XIRP2: variants seen among roughly 807,000 people sequenced by gnomAD.
The protein encoded by XIRP2 is xin actin binding repeat containing 2, also known as xin actin-binding repeat-containing protein 2.
A neutral mutation model predicts 277.0 loss-of-function variants in XIRP2; 236 were observed. That is an observed-to-expected ratio of 0.85 (90% CI 0.77 to 0.95). The LOEUF (loss-of-function observed/expected upper bound fraction) is 0.95. Ranked by LOEUF, XIRP2 falls within the 40% of genes least tolerant of loss-of-function variation. The pLI is 0.00. For synonymous variants in XIRP2, 1,490 were observed against 1,416.5 expected, an observed-to-expected ratio of 1.05 and a Z score of -1.17; for missense variants, 4,640 against 4,157.5, an observed-to-expected ratio of 1.12 and a Z score of -3.19.
intron 2 of XIRP2, among the ~76,000 whole-genome samples, chr2:166,911,544 G>C (rs1424614630): frequency 6.6e-6 from 1 of 152,100 alleles, no homozygotes; most frequent in Non-Finnish European, 1.5e-5. Flanking sequence ...GCAACCTGAT[G>C]GGTCTTGACT....
intron 2 of XIRP2, among the ~76,000 whole-genome samples, chr2:167,055,525 A>G (rs1689018062): frequency 6.6e-6 from 1 of 152,198 alleles, no homozygotes; most frequent in African/African-American, 2.4e-5. Flanking sequence ...GAGAATTTAC[A>G]TCTTACTTGC....
chr2:166,974,756 A>G (rs1176961475), intron 2 of XIRP2, among the ~76,000 whole-genome samples: 1 of 152,036 alleles, frequency 6.6e-6, no homozygotes, highest in Non-Finnish European at 1.5e-5. Flanking sequence ...AAATATAAAA[A>G]TATTGCAAGT....
intron 2 of XIRP2, 131 bp from the exon 3 acceptor site, chr2:167,135,777 GA>G (rs1691527533): frequency 3.7e-6 from 3 of 815,306 alleles, no homozygotes; most frequent in Non-Finnish European, 5.4e-6. Flanking sequence ...CATTTTACCT[GA>G]AGCATATTGA....
intron 3 of XIRP2, among the ~76,000 whole-genome samples, chr2:167,176,709 G>C (rs1263823624): frequency 6.6e-6 from 1 of 152,142 alleles, no homozygotes; most frequent in Admixed American, 6.5e-5. Context: ...AGTCAATTTA[G>C]TCTACAGATT....
At chr2:167,223,253 G>A (rs1289103021) in intron 5 of XIRP2, among the ~76,000 whole-genome samples, 1 of 152,056 alleles carries the variant, frequency 6.6e-6, no homozygotes, top group Non-Finnish European at 1.5e-5. Context: ...AGCAGATGGA[G>A]CTCCAAAAAT....
chr2:167,172,939 G>A (rs1287791724), intron 3 of XIRP2, among the ~76,000 whole-genome samples: 1 of 152,200 alleles, frequency 6.6e-6, no homozygotes, highest in Non-Finnish European at 1.5e-5. Context: ...CACAATTTAT[G>A]TTCAGAGATT....
chr2:167,247,184 A>G lies in XIRP2; in HGVS notation c.5792A>G (p.Glu1931Gly). The change falls in exon 9 of 11, where the codon GAA (glutamate) becomes GGA (glycine). Residue 1931 changes from glutamate (E) to glycine (G), a missense_variant. Coordinates refer to ENST00000409195, the MANE Select transcript of XIRP2 (RefSeq NM_152381.6). ...DLETSLRSLK[E>G]AQRSFKEVHK... ...GAAACATCACTAAGGTCTTTGAAAG[A>G]AGCACAAAGAAGTTTCAAAGAGGTA... 1 of 1,613,602 alleles carries G rather than the reference A, an allele frequency of 6.2e-7. No homozygotes were observed. The highest frequency in any genetic ancestry group is 1.7e-4 in the Middle Eastern group (1 of 6,060).
chr2:167,223,412 A>C (rs1694491471), intron 5 of XIRP2, among the ~76,000 whole-genome samples: 1 of 152,272 alleles, frequency 6.6e-6, no homozygotes, highest in East Asian at 1.9e-4. Context: ...ATCTTTCCTC[A>C]TATATCTGCT....
intron 3 of XIRP2, among the ~76,000 whole-genome samples, chr2:167,207,408 C>T (rs1573958787): frequency 6.6e-6 from 1 of 152,244 alleles, no homozygotes; most frequent in South Asian, 2.1e-4. Context: ...TCTCTGACAT[C>T]TTACCAACTT....
At chr2:166,953,775 C>T (rs1489901033) in intron 2 of XIRP2, among the ~76,000 whole-genome samples, 2 of 151,882 alleles carry the variant, frequency 1.3e-5, no homozygotes, top group Non-Finnish European at 2.9e-5. Flanking sequence ...CTACTGTAGA[C>T]ATTCTTAATG....
At chr2:167,214,134 G>GAAGGAAGGAAGCAAGC (rs376588444) in intron 4 of XIRP2, among the ~76,000 whole-genome samples, 1,418 of 112,050 alleles carry the variant, frequency 0.013, 58 homozygotes, top group Non-Finnish European at 0.018. Flanking sequence ...AGGAAGGAAG[G>GAAGGAAGGAAGCAAGC]AAGCAAAGAG....
intron 5 of XIRP2, among the ~76,000 whole-genome samples, chr2:167,227,445 T>G (rs961986576): frequency 6.6e-6 from 1 of 152,072 alleles, no homozygotes; most frequent in African/African-American, 2.4e-5. Context: ...CCCAGCACTT[T>G]GGGAGGCCAA....
At chr2:167,227,477 G>A (rs537575651) in intron 5 of XIRP2, among the ~76,000 whole-genome samples, 140 of 152,126 alleles carry the variant, frequency 9.2e-4, no homozygotes, top group Non-Finnish European at 1.7e-3. Context: ...AAGGTGGGAG[G>A]ATCGTTTGAG....
intron 2 of XIRP2, among the ~76,000 whole-genome samples, chr2:166,984,169 A>C (rs1462949149): frequency 1.3e-5 from 2 of 152,210 alleles, no homozygotes; most frequent in African/African-American, 4.8e-5. Flanking sequence ...AGAAGACTGC[A>C]AGAGGACAAT....
intron 2 of XIRP2, among the ~76,000 whole-genome samples, chr2:167,029,622 G>A (rs1688274147): frequency 6.6e-6 from 1 of 152,086 alleles, no homozygotes; most frequent in South Asian, 2.1e-4. Context: ...ATTTTATTGA[G>A]AATTTTTGCA....
At chr2:167,201,250 G>GAAAGAA (rs1559018376) in intron 3 of XIRP2, among the ~76,000 whole-genome samples, 1 of 92,814 alleles carries the variant, frequency 1.1e-5, no homozygotes, top group African/African-American at 7.9e-5. Flanking sequence ...AAGAAAGAAA[G>GAAAGAA]AAAGAAAGAA....
chr2:167,095,951 G>A (rs185077700), intron 2 of XIRP2, among the ~76,000 whole-genome samples: 1 of 135,102 alleles, frequency 7.4e-6, no homozygotes, highest in East Asian at 2.3e-4. Context: ...TTGGCTCACT[G>A]CAAGCTGTGC....
chr2:167,106,347 G>A (rs528414215), intron 2 of XIRP2, among the ~76,000 whole-genome samples: 2 of 151,682 alleles, frequency 1.3e-5, no homozygotes, highest in East Asian at 3.9e-4. Flanking sequence ...TTAATTTTTA[G>A]GGAAGTTTAA....
chr2:167,106,449 T>C (rs1690620797), intron 2 of XIRP2, among the ~76,000 whole-genome samples: 1 of 151,686 alleles, frequency 6.6e-6, no homozygotes, highest in Admixed American at 6.6e-5. Context: ...TTGAACTGCT[T>C]TTTGTACCTT....
Sources: allele counts gnomAD v4.1 joint callset (sites outside exome capture counted in the v4.1 genomes callset), GRCh38; gene constraint gnomAD v4.1.1; transcripts MANE v1.5; gene names NCBI Gene and HGNC (gene_info 2026-07-23, HGNC 2026-07-21).